The following FGF14 variants were observed in gnomAD, a reference collection of about 807,000 sequenced individuals.
FGF14 encodes the protein fibroblast growth factor homologous factor 4.
A neutral mutation model predicts 25.5 loss-of-function variants in FGF14; 5 were observed. The ratio of observed to expected loss-of-function variants is 0.20; its 90% confidence interval spans 0.10 to 0.41. The LOEUF is 0.41. Ranked by LOEUF, FGF14 falls within the 10% of genes least tolerant of loss-of-function variation. FGF14 has a pLI of 1.00. For missense variants in FGF14, 222 were observed against 320.1 expected (o/e 0.69, Z 2.34); for synonymous variants, 138 against 118.3 (o/e 1.17, Z -1.08).
intron 1 of FGF14, among the ~76,000 whole-genome samples, chr13:101,951,074 C>T (rs562819180): frequency 2.6e-4 from 40 of 152,232 alleles, no homozygotes; most frequent in African/African-American, 9.6e-4. Context: ...GCTAGAGCTA[C>T]AGCATGGATT....
intron 1 of FGF14, among the ~76,000 whole-genome samples, chr13:102,377,971 C>T (rs1413654990): frequency 6.6e-6 from 1 of 152,160 alleles, no homozygotes. Context: ...AAATCAAGAA[C>T]TCGTTAGGCC....
At chr13:101,986,976 T>A (rs1476741562) in intron 1 of FGF14, among the ~76,000 whole-genome samples, 1 of 151,294 alleles carries the variant, frequency 6.6e-6, no homozygotes, top group African/African-American at 2.4e-5. Context: ...CAGTCTGTCA[T>A]GAATTTCTAT....
At position 101,807,899 on chromosome 13, in the gene FGF14, C is replaced by T. The variant is rs544887241; in HGVS notation, c.408+60826G>A. The stretch of plus-strand genomic sequence containing the variant: ...TAAGAAGAATGCTGGATTCTCAGGC[C>T]CTCAAAAGGGTTTTATATAGTACAG... On this transcript the variant is annotated intron_variant, in intron 3 of 4. Coordinates refer to ENST00000376143, the MANE Select transcript of FGF14 (RefSeq NM_004115.4). 3.9e-5 allele frequency among the ~76,000 whole-genome samples: 6 copies of T among 152,004 alleles called. No individual in the cohort carries two copies. In the South Asian group the frequency reaches 1.2e-3, roughly 32 times the overall value.
chr13:102,099,120 C>G (rs1351806796), intron 1 of FGF14, among the ~76,000 whole-genome samples: 1 of 152,136 alleles, frequency 6.6e-6, no homozygotes, highest in African/African-American at 2.4e-5. Context: ...CTCCTGCTCC[C>G]CATCCCTTCT....
intron 3 of FGF14, among the ~76,000 whole-genome samples, chr13:101,806,351 G>A (rs2041196871): frequency 6.6e-6 from 1 of 151,520 alleles, no homozygotes; most frequent in South Asian, 2.1e-4. Flanking sequence ...TCTGGAAGGT[G>A]GAGGTTACAG....
At chr13:101,771,612 G>A (rs2038776610) in intron 3 of FGF14, among the ~76,000 whole-genome samples, 1 of 152,024 alleles carries the variant, frequency 6.6e-6, no homozygotes, top group South Asian at 2.1e-4. Context: ...AATCAGGGTT[G>A]TTGTAATATT....
At chr13:102,017,852 G>T (rs1468107665) in intron 1 of FGF14, among the ~76,000 whole-genome samples, 1 of 151,914 alleles carries the variant, frequency 6.6e-6, no homozygotes, top group Non-Finnish European at 1.5e-5. Context: ...TCTTCAATTT[G>T]ATCTTCTAGA....
At chr13:102,087,575 CT>C (rs1166446102) in intron 1 of FGF14, among the ~76,000 whole-genome samples, 5,260 of 79,736 alleles carry the variant, frequency 0.066, 242 homozygotes, top group African/African-American at 0.21. Flanking sequence ...CCATGCCTGG[CT>C]TTTTTTTTTT....
chr13:102,011,584 G>C (rs1030111237), intron 1 of FGF14, among the ~76,000 whole-genome samples: 1 of 151,802 alleles, frequency 6.6e-6, no homozygotes, highest in Admixed American at 6.6e-5. Flanking sequence ...CCATACGCAG[G>C]AGTATGAAGC....
At chr13:102,260,334 CTTTT>C (rs200158910) in intron 1 of FGF14, among the ~76,000 whole-genome samples, 1 of 152,024 alleles carries the variant, frequency 6.6e-6, no homozygotes, top group African/African-American at 2.4e-5. Flanking sequence ...CCCAACCACG[CTTTT>C]TTTTACTGAA....
intron 3 of FGF14, among the ~76,000 whole-genome samples, chr13:101,731,415 T>C (rs2035804982): frequency 6.6e-6 from 1 of 152,176 alleles, no homozygotes; most frequent in South Asian, 2.1e-4. Context: ...CAGCAGAAGC[T>C]TGAATATTAA....
At chr13:102,213,758 C>T (rs528693727) in intron 1 of FGF14, among the ~76,000 whole-genome samples, 1 of 152,276 alleles carries the variant, frequency 6.6e-6, no homozygotes, top group African/African-American at 2.4e-5. Context: ...CTGCCAACAG[C>T]CAAGCCAAGT....
At position 101,852,755 on chromosome 13, in the gene FGF14, G is replaced by A. The variant is rs909260084; in HGVS notation, c.408+15970C>T. Among the ~76,000 whole-genome samples the A allele has an allele frequency of 5.3e-5, 8 of 152,108 alleles. No individual in the cohort carries two copies. The South Asian group carries it at 1.7e-3, about 32-fold the overall frequency. On this transcript the variant is annotated intron_variant, in intron 3 of 4. Transcript: ENST00000376143. ...CACCTTTCCCAGGACAAGGACCCATGATACCAGATACCTATGTTTCCCAAC... is the reference window on the plus strand; with the variant it reads ...CACCTTTCCCAGGACAAGGACCCATAATACCAGATACCTATGTTTCCCAAC...
chr13:101,747,701 G>T (rs2036978744), intron 3 of FGF14, among the ~76,000 whole-genome samples: 2 of 151,968 alleles, frequency 1.3e-5, no homozygotes, highest in Non-Finnish European at 2.9e-5. Flanking sequence ...CTGTACAATG[G>T]CAGAAAATAT....
intron 1 of FGF14, among the ~76,000 whole-genome samples, chr13:101,933,169 G>C (rs558442223): frequency 6.6e-6 from 1 of 151,788 alleles, no homozygotes; most frequent in Non-Finnish European, 1.5e-5. Flanking sequence ...ATTTTTATCC[G>C]TCAAAACAAG....
At chr13:101,955,710 T>C (rs1001263501) in intron 1 of FGF14, among the ~76,000 whole-genome samples, 8 of 152,190 alleles carry the variant, frequency 5.3e-5, no homozygotes, top group African/African-American at 1.9e-4. Flanking sequence ...TTCCCTATGG[T>C]AAAATTACTA....
intron 1 of FGF14, among the ~76,000 whole-genome samples, chr13:102,319,313 G>T (rs938538402): frequency 6.6e-5 from 10 of 152,164 alleles, no homozygotes; most frequent in Non-Finnish European, 1.2e-4. Flanking sequence ...ATCATAGTTG[G>T]CAAAGGTTGG....
chr13:102,302,482 G>T (rs2055120418), intron 1 of FGF14, among the ~76,000 whole-genome samples: 1 of 152,006 alleles, frequency 6.6e-6, no homozygotes, highest in Non-Finnish European at 1.5e-5. Context: ...GTGGAGCCAT[G>T]GACTCAGTTA....
intron 1 of FGF14, among the ~76,000 whole-genome samples, chr13:102,102,313 C>T (rs1388964808): frequency 6.6e-6 from 1 of 152,128 alleles, no homozygotes; most frequent in Non-Finnish European, 1.5e-5. Context: ...GGTTCCTTAC[C>T]ATTCTGGATG....
Sources: gnomAD v4.1 joint callset for allele counts (sites outside exome capture counted in the v4.1 genomes callset) on GRCh38, gnomAD v4.1.1 for gene constraint, MANE v1.5 for transcripts, NCBI Gene and HGNC (gene_info 2026-07-23, HGNC 2026-07-21) for gene names.